The following GPM6A variants were observed in gnomAD, a reference collection of about 807,000 sequenced individuals.
GPM6A encodes the protein glycoprotein M6A, also known as neuronal membrane glycoprotein M6-a.
A neutral mutation model predicts 32.1 loss-of-function variants in GPM6A; 7 were observed. The observed-to-expected ratio is 0.22, with a 90% CI of 0.12 to 0.41. GPM6A has a LOEUF of 0.41. Among genes scored for constraint, GPM6A ranks in the 10% least tolerant of loss-of-function variants. The pLI is 1.00. For synonymous variants in GPM6A, 130 were observed against 123.4 expected (o/e 1.05, Z -0.35); for missense variants, 235 against 347.2 (o/e 0.68, Z 2.57).
At chr4:175,865,361 T>G (rs1013703537) in intron 1 of GPM6A, among the ~76,000 whole-genome samples, 3 of 152,240 alleles carry the variant, frequency 2.0e-5, no homozygotes, top group South Asian at 2.1e-4. Context: ...TCAGATAGTG[T>G]AAATTACCTA....
At chr4:175,858,349 C>A (rs1736476314) in intron 1 of GPM6A, among the ~76,000 whole-genome samples, 4 of 151,872 alleles carry the variant, frequency 2.6e-5, no homozygotes, top group Admixed American at 2.6e-4. Flanking sequence ...TTGGCCAACA[C>A]AAAGAAACCC....
chr4:175,749,212 G>T (rs200915438), intron 1 of GPM6A, among the ~76,000 whole-genome samples: 1 of 74,466 alleles, frequency 1.3e-5, no homozygotes, highest in East Asian at 2.3e-4. Flanking sequence ...CCAAAAAAAA[G>T]GTAATGGCAA....
intron 1 of GPM6A, among the ~76,000 whole-genome samples, chr4:175,844,171 G>C (rs1411640980): frequency 2.0e-5 from 3 of 152,102 alleles, no homozygotes; most frequent in Non-Finnish European, 4.4e-5. Context: ...GATCCTCATT[G>C]CAAAAGCTTT....
intron 1 of GPM6A, among the ~76,000 whole-genome samples, chr4:175,998,753 T>C (rs1199652693): frequency 1.3e-5 from 2 of 152,196 alleles, no homozygotes; most frequent in African/African-American, 4.8e-5. Flanking sequence ...TCATATAATA[T>C]TATTCCCAAA....
intron 1 of GPM6A, among the ~76,000 whole-genome samples, chr4:175,876,050 C>A (rs1016663717): frequency 1.3e-5 from 2 of 152,170 alleles, no homozygotes; most frequent in African/African-American, 4.8e-5. Flanking sequence ...GTCAGATAAC[C>A]TTTTTTGTCA....
intron 1 of GPM6A, among the ~76,000 whole-genome samples, chr4:175,880,370 G>GCT (rs1737231142): frequency 6.6e-6 from 1 of 152,160 alleles, no homozygotes; most frequent in African/African-American, 2.4e-5. Context: ...GGCAATGTGG[G>GCT]CTATTTTTTG....
At chr4:175,793,378 A>C (rs1734087383) in intron 1 of GPM6A, among the ~76,000 whole-genome samples, 1 of 151,630 alleles carries the variant, frequency 6.6e-6, no homozygotes, top group East Asian at 1.9e-4. Flanking sequence ...TTATTTATTT[A>C]TTTATTTATT....
intron 1 of GPM6A, among the ~76,000 whole-genome samples, chr4:175,792,056 A>C (rs1345033614): frequency 6.6e-6 from 1 of 152,170 alleles, no homozygotes; most frequent in African/African-American, 2.4e-5. Context: ...ATAAAGCTAC[A>C]AATAAATGAT....
intron 1 of GPM6A, among the ~76,000 whole-genome samples, chr4:175,703,759 G>C (rs1418609468): frequency 6.6e-6 from 1 of 152,206 alleles, no homozygotes; most frequent in African/African-American, 2.4e-5. Context: ...GCCAGCCACA[G>C]CTGATAAAGG....
chr4:175,776,491 T>C (rs1040506032), intron 1 of GPM6A, among the ~76,000 whole-genome samples: 1 of 152,088 alleles, frequency 6.6e-6, no homozygotes, highest in African/African-American at 2.4e-5. Context: ...GCCAAAAAAG[T>C]CAGGTGTGCA....
At chr4:175,887,388 A>G (rs1374233607) in intron 1 of GPM6A, among the ~76,000 whole-genome samples, 1 of 151,994 alleles carries the variant, frequency 6.6e-6, no homozygotes, top group African/African-American at 2.4e-5. Flanking sequence ...GAAAAAAATT[A>G]TCCATCAAAA....
intron 1 of GPM6A, among the ~76,000 whole-genome samples, chr4:175,792,026 G>T (rs1734032221): frequency 6.6e-6 from 1 of 152,082 alleles, no homozygotes; most frequent in South Asian, 2.1e-4. Flanking sequence ...AGTAAAATTA[G>T]CATTGACATA....
chr4:175,673,602 C>T, intron 3 of GPM6A, 78 bp downstream of exon 3: 1 of 995,918 alleles, frequency 1.0e-6, no homozygotes, highest in South Asian at 2.5e-5. Flanking sequence ...TACTTTAATT[C>T]TTGGGAGATG....
At chr4:175,925,940 C>T (rs58216438) in intron 1 of GPM6A, among the ~76,000 whole-genome samples, 149 of 151,222 alleles carry the variant, frequency 9.9e-4, no homozygotes, top group African/African-American at 3.5e-3. Context: ...TAACCTCTGC[C>T]TTCCAGGTTC....
intron 1 of GPM6A, among the ~76,000 whole-genome samples, chr4:175,711,409 AATAT>A (rs36105210): frequency 0.019 from 1,000 of 53,130 alleles, 19 homozygotes; most frequent in African/African-American, 0.032. Flanking sequence ...TGGCACACCA[AATAT>A]ATATATATAT....
chr4:175,726,745 C>T (rs1731171421), intron 1 of GPM6A, among the ~76,000 whole-genome samples: 2 of 152,104 alleles, frequency 1.3e-5, no homozygotes, highest in African/African-American at 4.8e-5. Context: ...TCTTTAATCC[C>T]AGCATGTGGG....
intron 4 of GPM6A, among the ~76,000 whole-genome samples, chr4:175,645,770 A>G (rs1397655378): frequency 6.6e-6 from 1 of 152,214 alleles, no homozygotes; most frequent in Non-Finnish European, 1.5e-5. Flanking sequence ...GGAGTTAAGC[A>G]GAATGAGCAG....
intron 1 of GPM6A, among the ~76,000 whole-genome samples, chr4:175,743,444 A>G (rs1415984764): frequency 1.3e-5 from 2 of 152,084 alleles, no homozygotes; most frequent in African/African-American, 4.8e-5. Flanking sequence ...AAAAGATACA[A>G]TTAATCCAAA....
chr4:175,935,458 T>A (rs1739187005), intron 1 of GPM6A, among the ~76,000 whole-genome samples: 1 of 152,194 alleles, frequency 6.6e-6, no homozygotes. Flanking sequence ...CCCAGCTGAA[T>A]ATTCTGTGCT....
Sources: gnomAD v4.1 joint callset for allele counts (sites outside exome capture counted in the v4.1 genomes callset) on GRCh38, gnomAD v4.1.1 for gene constraint, MANE v1.5 for transcripts, NCBI Gene and HGNC (gene_info 2026-07-23, HGNC 2026-07-21) for gene names.